The following NOTCH2NLR variants were observed in gnomAD, a reference collection of about 807,000 sequenced individuals.
The protein encoded by NOTCH2NLR is notch 2 N-terminal like R (pseudogene).
Under a neutral mutation model 35.6 loss-of-function variants are expected in NOTCH2NLR, and 33 were observed. That is an observed-to-expected ratio of 0.93 (90% CI 0.70 to 1.24). NOTCH2NLR has a LOEUF of 1.24. Ranked by LOEUF, NOTCH2NLR falls within the 50% of genes most tolerant of loss-of-function variation. The pLI, the probability that NOTCH2NLR is intolerant of heterozygous loss-of-function variation, is 0.00. For synonymous variants in NOTCH2NLR, 103 were observed against 141.0 expected (o/e 0.73, Z 1.91); for missense variants, 276 against 362.2 (o/e 0.76, Z 1.93).
At chr1:120,756,475 A>G (rs1451243592) in intron 1 of NOTCH2NLR, among the ~76,000 whole-genome samples, 1 of 117,602 alleles carries the variant, frequency 8.5e-6, no homozygotes, top group Non-Finnish European at 1.6e-5. Context: ...GGGTCTAAGC[A>G]CAGATACCAC....
At position 120,756,749 on chromosome 1, in the gene NOTCH2NLR, G is replaced by C. The variant is rs1314820809; in HGVS notation, c.74-6879G>C. Among the ~76,000 whole-genome samples the C allele has an allele frequency of 8.8e-5, 10 of 113,406 alleles. 4 individuals are homozygous for C. The highest frequency in any genetic ancestry group is 5.5e-4 in the African/African-American group (10 of 18,076). 74.4% of individuals were successfully genotyped at this position (113,406 alleles called of 152,430 possible). Reference sequence around the variant, plus strand: ...ATACTGAAAAGCATTGGAAAACTTAGGTAAATGCCTAGAGGAAATTTTAAG... The same window carrying C: ...ATACTGAAAAGCATTGGAAAACTTACGTAAATGCCTAGAGGAAATTTTAAG... On this transcript the variant is annotated intron_variant, in intron 1 of 4. Coordinates refer to ENST00000624419, the Ensembl canonical transcript of NOTCH2NLR.
chr1:120,778,558 A>T (rs1265898961), intron 2 of NOTCH2NLR, among the ~76,000 whole-genome samples: 2 of 46,580 alleles, frequency 4.3e-5, no homozygotes, highest in Admixed American at 2.4e-4. Flanking sequence ...ATGTGGTGGG[A>T]TTTTGCTTTG....
chr1:120,726,851 G>A (rs1208947407), intron 1 of NOTCH2NLR, among the ~76,000 whole-genome samples: 1 of 111,908 alleles, frequency 8.9e-6, no homozygotes, highest in Non-Finnish European at 1.7e-5. Flanking sequence ...AACTTCTTGG[G>A]ATCTCTCTGC....
intron 2 of NOTCH2NLR, among the ~76,000 whole-genome samples, chr1:120,784,420 T>A (rs1371380448): frequency 8.6e-6 from 1 of 116,932 alleles, no homozygotes; most frequent in Admixed American, 8.1e-5. Flanking sequence ...CTCCAGATAT[T>A]CTTGCTGTTT....
intron 1 of NOTCH2NLR, among the ~76,000 whole-genome samples, chr1:120,745,094 T>G (rs1449593191): frequency 1.9e-5 from 1 of 53,692 alleles, no homozygotes; most frequent in Non-Finnish European, 3.1e-5. Flanking sequence ...CACATCTGTC[T>G]GGGTGACAGA....
intron 1 of NOTCH2NLR, among the ~76,000 whole-genome samples, chr1:120,756,340 A>G (rs1651079573): frequency 8.5e-6 from 1 of 117,250 alleles, no homozygotes; most frequent in African/African-American, 4.9e-5. Flanking sequence ...TCATCTCTCA[A>G]ATATTGCTAC....
In NOTCH2NLR at chr1:120,759,648, A is replaced by G. The variant is rs1398697384; in HGVS notation, c.74-3980A>G. 4.8e-5 allele frequency among the ~76,000 whole-genome samples: 5 copies of G among 103,462 alleles called. 1 individual carries two copies. The highest frequency in any genetic ancestry group is 2.9e-4 in the Admixed American group (3 of 10,470). The allele number at this position is 103,462 out of a possible 152,430, so 67.9% of individuals were successfully genotyped here. ...TCTTTGTGTGGAAGATAATTATAGTATTCATTTTTGCTCCTGAGTAAAGCC... is the reference window on the plus strand; with the variant it reads ...TCTTTGTGTGGAAGATAATTATAGTGTTCATTTTTGCTCCTGAGTAAAGCC... On this transcript the variant is annotated intron_variant, in intron 1 of 4. Transcript: ENST00000624419.
At chr1:120,728,811 G>A (rs1650843798) in intron 1 of NOTCH2NLR, among the ~76,000 whole-genome samples, 1 of 109,972 alleles carries the variant, frequency 9.1e-6, no homozygotes, top group East Asian at 2.2e-4. Flanking sequence ...AAGTATATTT[G>A]CTTTTTTTTT....
In NOTCH2NLR at chr1:120,784,930, C is replaced by A. The variant is rs1351718686; in HGVS notation, c.156-44C>A. ...GTTTTACTGTAATTTTTTGGACTTA[C>A]AAGAAGTCAGGTGTTTTCATGGACT... On this transcript the variant is annotated intron_variant, in intron 2 of 4. Coordinates refer to ENST00000624419, the Ensembl canonical transcript of NOTCH2NLR. 2.7e-5 allele frequency: 32 copies of A among 1,184,284 alleles called. 11 individuals are homozygous for A. The Admixed American group carries it at 5.9e-4, about 22-fold the overall frequency. The allele number at this position is 1,184,284 out of a possible 1,614,324, so 73.4% of individuals were successfully genotyped here. A position where few individuals can be genotyped will look rare whatever the true frequency, so the allele number is the denominator to read the frequency against.
chr1:120,727,990 A>C (rs1650834198), intron 1 of NOTCH2NLR, among the ~76,000 whole-genome samples: 1 of 119,218 alleles, frequency 8.4e-6, no homozygotes, highest in Non-Finnish European at 1.6e-5. Context: ...TCGGTCCTCC[A>C]TTTTCTGATG....
chr1:120,776,387 A>G (rs1334038371), intron 2 of NOTCH2NLR, among the ~76,000 whole-genome samples: 1 of 65,066 alleles, frequency 1.5e-5, no homozygotes, highest in East Asian at 3.6e-4. Context: ...GGAAGTGAGA[A>G]GTAGTGTACT....
chr1:120,770,769 C>G (rs1478207485), intron 2 of NOTCH2NLR, among the ~76,000 whole-genome samples: 1 of 116,900 alleles, frequency 8.6e-6, no homozygotes, highest in Non-Finnish European at 1.6e-5. Context: ...TAAAATGGGA[C>G]AGAATTACCT....
exon 4 of NOTCH2NLR, chr1:120,793,165 G>A: frequency 7.1e-7 from 1 of 1,416,030 alleles, no homozygotes; most frequent in Non-Finnish European, 9.4e-7. Context: ...CTTTAGGTAA[G>A]GAGTGCCAAT....
rs1650856484 is a variant in NOTCH2NLR at position 120,729,789 on chromosome 1, T to C, written c.73+5539T>C. ...GTGCATCTGGAGTGTCATCTGGGAA[T>C]TTGTGTGTTCAAGAAATAGCCAGGT... On this transcript the variant is annotated intron_variant, in intron 1 of 4. Transcript: ENST00000624419. 1.7e-5 allele frequency among the ~76,000 whole-genome samples: 2 copies of C among 116,064 alleles called. 1 individual carries two copies. The allele number at this position is 116,064 out of a possible 152,430, so 76.1% of individuals were successfully genotyped here. A position where few individuals can be genotyped will look rare whatever the true frequency, so the allele number is the denominator to read the frequency against.
At position 120,768,536 on chromosome 1, in the gene NOTCH2NLR, T is replaced by G. The variant is rs1218817406; in HGVS notation, c.155+4827T>G. Among the ~76,000 whole-genome samples, 2 of 109,492 alleles carry G rather than the reference T, an allele frequency of 1.8e-5. 1 individual carries two copies. The highest frequency in any genetic ancestry group is 3.4e-5 in the Non-Finnish European group (2 of 59,018). 71.8% of individuals were successfully genotyped at this position (109,492 alleles called of 152,430 possible). On this transcript the variant is annotated intron_variant, in intron 2 of 4. Transcript: ENST00000624419. ...TCCAGATACCTCTGACTCCTCAGTA[T>G]CACAGGACTTCCGTTTTCTGCTTGC...
intron 2 of NOTCH2NLR, among the ~76,000 whole-genome samples, chr1:120,784,630 C>T: frequency 8.4e-6 from 1 of 118,752 alleles, no homozygotes. Context: ...ACACCCTCAT[C>T]CCCAGTTCCA....
rs1461960541 is a variant in NOTCH2NLR, at chr1:120,728,736, GA to G, written c.73+4487del. Reference sequence around the variant, plus strand: ...ATATTTATTTTGATAATTTTTTTGAGATTTTTTTCATTGAGTTGGATATTGC... The same window carrying G: ...ATATTTATTTTGATAATTTTTTTGAGTTTTTTTCATTGAGTTGGATATTGC... On this transcript the variant is annotated intron_variant, in intron 1 of 4. Coordinates refer to ENST00000624419, the Ensembl canonical transcript of NOTCH2NLR. Among the ~76,000 whole-genome samples, 3 of 115,806 alleles carry G rather than the reference GA, an allele frequency of 2.6e-5. 1 individual carries two copies. Among genetic ancestry groups the G allele is most frequent in the African/African-American group, 1.0e-4 (2 of 19,654 alleles). The allele number at this position is 115,806 out of a possible 152,430, so 76.0% of individuals were successfully genotyped here. A position where few individuals can be genotyped will look rare whatever the true frequency, so the allele number is the denominator to read the frequency against.
Position 120,748,025 on chromosome 1 carries a change from A to G in NOTCH2NLR, c.74-15603A>G, listed in dbSNP as rs1212595180. ...TTCATTGTCTGGGTTGGTATAAGTA[A>G]AAATCCTTGTTTGAAGTTATTAAGC... On this transcript the variant is annotated intron_variant, in intron 1 of 4. Coordinates refer to ENST00000624419, the Ensembl canonical transcript of NOTCH2NLR. Among the ~76,000 whole-genome samples, 185 of 30,044 alleles carry G rather than the reference A, an allele frequency of 6.2e-3. 17 individuals carry two copies. The African/African-American group carries it at 0.07, about 11-fold the overall frequency. The allele number at this position is 30,044 out of a possible 152,430, so 19.7% of individuals were successfully genotyped here.
At chr1:120,778,466 T>C (rs1651324196) in intron 2 of NOTCH2NLR, among the ~76,000 whole-genome samples, 1 of 108,074 alleles carries the variant, frequency 9.3e-6, no homozygotes, top group Non-Finnish European at 1.7e-5. Flanking sequence ...TTCCCCTTCG[T>C]TCCACATTCT....
Sources: gnomAD v4.1 joint callset for allele counts (sites outside exome capture counted in the v4.1 genomes callset) on GRCh38, gnomAD v4.1.1 for gene constraint, MANE v1.5 for transcripts, NCBI Gene and HGNC (gene_info 2026-07-23, HGNC 2026-07-21) for gene names.